Variants in RMC1 observed in about 807,000 individuals in gnomAD.
RMC1 encodes the protein regulator of MON1-CCZ1.
In RMC1, 44 loss-of-function variants were observed where a neutral mutation model predicts 95.5. That is an observed-to-expected ratio of 0.46 (90% CI 0.36 to 0.59). RMC1 has a LOEUF of 0.59. Ranked by LOEUF, RMC1 falls within the 20% of genes least tolerant of loss-of-function variation. The pLI is 0.00. For missense variants in RMC1, 705 were observed against 819.6 expected (o/e 0.86, Z 1.71); for synonymous variants, 320 against 303.6 (o/e 1.05, Z -0.56).
chr18:23,530,085 C>G lies in RMC1; in HGVS notation c.1552C>G (p.Leu518Val). 1 of 1,614,232 alleles carries G rather than the reference C, an allele frequency of 6.2e-7. No individual in the cohort carries two copies. Among genetic ancestry groups the G allele is most frequent in the Non-Finnish European group, 8.5e-7 (1 of 1,180,046 alleles). Reference protein sequence around the residue: ...TLVQHNLFYMLHQFLQYHVLS... With the variant: ...TLVQHNLFYMVHQFLQYHVLS... The stretch of plus-strand genomic sequence containing the variant: ...TGTCCAGCACAACCTCTTTTATATG[C>G]TGCATCAGTTCCTGCAGTACCACGT... The change falls in exon 17 of 20, where the codon CTG becomes GTG. Residue 518 changes from leucine to valine, a missense_variant. Transcript: ENST00000269221.
At chr18:23,518,391 C>G (rs2058064282) in intron 7 of RMC1, among the ~76,000 whole-genome samples, 1 of 151,884 alleles carries the variant, frequency 6.6e-6, no homozygotes, top group Non-Finnish European at 1.5e-5. Context: ...ACTGGGGAGG[C>G]TGAGGTGAGG....
chr18:23,515,965 T>G lies in RMC1; in HGVS notation c.518T>G (p.Leu173Arg). ...GTGATCTTGCTGTCTACCACGGTCC[T>G]GGAGAATGTCCTGCAGCCTTTTCAC... ...SAVILLSTTV[L>R]ENVLQPFHFR... The change falls in exon 6 of 20, where the codon CTG (leucine) becomes CGG (arginine). Residue 173 changes from leucine (L) to arginine (R), a missense_variant. By Grantham distance (102) the Leu-to-Arg change is moderately radical. Transcript: ENST00000269221. The G allele has an allele frequency of 6.2e-7, 1 of 1,614,174 alleles. No homozygotes were observed. The highest frequency in any genetic ancestry group is 1.1e-5 in the South Asian group (1 of 91,078).
rs2058358597 is a variant in RMC1, at chr18:23,528,029, T to C, written c.1296+128T>C. On this transcript the variant is annotated intron_variant, in intron 14 of 19. Transcript: ENST00000269221. ...GGTCGCTGAGATTTGCCGCCTGCCA[T>C]AGGGCAAGGTGGCAGTAGTGGGGGA... 3.1e-5 allele frequency: 23 copies of C among 743,736 alleles called. No homozygotes were observed. In the South Asian group the frequency reaches 3.5e-4, roughly 11 times the overall value. The allele number at this position is 743,736 out of a possible 1,614,324, so 46.1% of individuals were successfully genotyped here.
chr18:23,524,070 T>A, intron 10 of RMC1, 60 bp from the exon 11 acceptor site: 1 of 1,536,992 alleles, frequency 6.5e-7, no homozygotes, highest in East Asian at 2.2e-5. Flanking sequence ...GTGTCATAAG[T>A]ACCAGCATTT....
chr18:23,504,298 G>A (rs960920775), intron 1 of RMC1, 73 bp from the exon 2 acceptor site: 1 of 1,273,226 alleles, frequency 7.9e-7, no homozygotes, highest in South Asian at 1.2e-5. Flanking sequence ...AGAAATAATC[G>A]CTTGCGGGTT....
At chr18:23,528,392 G>A (rs1030134598) in intron 14 of RMC1, 3 of 154,154 alleles carry the variant, frequency 1.9e-5, no homozygotes, top group East Asian at 1.9e-4. Context: ...ATGGCTTATC[G>A]CCACCAATTC....
chr18:23,508,850 A>G (rs1286839570), intron 4 of RMC1: 1 of 154,384 alleles, frequency 6.5e-6, no homozygotes, highest in African/African-American at 2.4e-5. Context: ...TACATTTTTA[A>G]TAACCATTTT....
intron 14 of RMC1, 118 bp from the exon 15 acceptor site, chr18:23,529,061 G>C: frequency 6.8e-7 from 1 of 1,467,644 alleles, no homozygotes; most frequent in Non-Finnish European, 9.1e-7. Flanking sequence ...AGTAGAGAAA[G>C]TGTTTTCCGC....
chr18:23,503,674 A>G lies in RMC1; in HGVS notation c.56A>G (p.Lys19Arg), dbSNP rs754020386. 3.8e-6 allele frequency: 6 copies of G among 1,593,104 alleles called. No individual in the cohort carries two copies. The East Asian group carries it at 1.2e-4, about 31-fold the overall frequency. The change falls in exon 1 of 20, where the codon AAG becomes AGG. Residue 19 changes from lysine (K) to arginine (R), a missense_variant. Coordinates refer to ENST00000269221, the MANE Select transcript of RMC1 (RefSeq NM_013326.5). Reference sequence around the variant, plus strand: ...TGCGAGCGGCCGGTGCAGTTCGAGAAGGCGAACCCTGTCAACTGCGTCTTC... The same window carrying G: ...TGCGAGCGGCCGGTGCAGTTCGAGAGGGCGAACCCTGTCAACTGCGTCTTC... ...ELCERPVQFEKANPVNCVFFD... is the reference protein window; with the variant it reads ...ELCERPVQFERANPVNCVFFD...
chr18:23,507,151 T>C (rs537441119), intron 3 of RMC1, 97 bp downstream of exon 3: 2 of 816,696 alleles, frequency 2.4e-6, no homozygotes, highest in African/African-American at 1.7e-5. Flanking sequence ...AAACTTTTAT[T>C]ATCTTACTGT....
chr18:23,505,923 T>C (rs1468162302), intron 2 of RMC1, among the ~76,000 whole-genome samples: 5 of 152,032 alleles, frequency 3.3e-5, no homozygotes, highest in African/African-American at 1.2e-4. Flanking sequence ...TCCCAGCACT[T>C]TGGGAGGCCG....
At chr18:23,529,818 C>T (rs1232901499) in intron 16 of RMC1, 106 bp downstream of exon 16, 12 of 1,216,398 alleles carry the variant, frequency 9.9e-6, no homozygotes, top group Middle Eastern at 2.0e-4. Context: ...GTCTGCCTCC[C>T]TGACTCAGAA....
At chr18:23,505,932 C>T (rs2850207) in intron 2 of RMC1, among the ~76,000 whole-genome samples, 3 of 151,834 alleles carry the variant, frequency 2.0e-5, no homozygotes, top group African/African-American at 7.3e-5. Flanking sequence ...TTTGGGAGGC[C>T]GAGGCGGGTG....
chr18:23,516,421 C>T lies in RMC1; in HGVS notation c.651C>T (p.Thr217=). The T allele has an allele frequency of 6.2e-7, 1 of 1,613,372 alleles. No homozygotes were observed. Among genetic ancestry groups the T allele is most frequent in the South Asian group, 1.1e-5 (1 of 91,072 alleles). The change falls in exon 7 of 20, where the codon ACC becomes ACT. Residue 217 remains threonine (T), a splice_region_variant and synonymous_variant. Transcript: ENST00000269221. ...CCGAAAGAGACATCGCAATGGCTAC[C>T]ATGTATGTCCGTGTCAGAGAGAATT... is the stretch of plus-strand genomic sequence containing the variant. ...SLSERDIAMA[T]IYGQLYVLFL...
In RMC1 at chr18:23,504,105, CG is replaced by C. The variant is rs555877064; in HGVS notation, c.103-265del. On this transcript the variant is annotated intron_variant, in intron 1 of 19. Coordinates refer to ENST00000269221, the MANE Select transcript of RMC1 (RefSeq NM_013326.5). The stretch of plus-strand genomic sequence containing the variant: ...AAGGGGGAAAAGACTGTACTTCAGG[CG>C]TATCAGCGGCGCCGATGCGCGAACC... Among the ~76,000 whole-genome samples, 487 of 152,334 alleles carry C rather than the reference CG, an allele frequency of 3.2e-3. 6 individuals are homozygous for C. Among genetic ancestry groups the C allele is most frequent in the African/African-American group, 0.011 (467 of 41,588 alleles).
At chr18:23,513,697 A>AAC (rs1476522416) in intron 5 of RMC1, among the ~76,000 whole-genome samples, 1 of 152,188 alleles carries the variant, frequency 6.6e-6, no homozygotes, top group Non-Finnish European at 1.5e-5. Flanking sequence ...TATCCTCACC[A>AAC]ACACTTGCTG....
chr18:23,507,933 C>A, intron 3 of RMC1, 52 bp from the exon 4 acceptor site: 2 of 1,552,556 alleles, frequency 1.3e-6, no homozygotes, highest in Non-Finnish European at 8.8e-7. Flanking sequence ...CGTAGGTTGG[C>A]AGTATGCTGC....
intron 5 of RMC1, among the ~76,000 whole-genome samples, chr18:23,509,959 T>G (rs12954923): frequency 6.6e-6 from 1 of 151,736 alleles, no homozygotes; most frequent in East Asian, 1.9e-4. Context: ...CCACTCAGCT[T>G]TAGTCTCTTG....
intron 1 of RMC1, among the ~76,000 whole-genome samples, 181 bp downstream of exon 1, chr18:23,503,901 G>C (rs112922029): frequency 3.1e-4 from 47 of 152,168 alleles, no homozygotes; most frequent in African/African-American, 1.1e-3. Context: ...AGGTGTCCTC[G>C]CAGGTGACCT....
Sources: gnomAD v4.1 joint callset for allele counts (sites outside exome capture counted in the v4.1 genomes callset) on GRCh38, gnomAD v4.1.1 for gene constraint, MANE v1.5 for transcripts, NCBI Gene and HGNC (gene_info 2026-07-23, HGNC 2026-07-21) for gene names.